The following LIPT1 variants were observed in gnomAD, a reference collection of about 807,000 sequenced individuals.
LIPT1 encodes the protein lipoyl amidotransferase LIPT1, mitochondrial.
In LIPT1, 22 loss-of-function variants were observed where a neutral mutation model predicts 25.1. The observed-to-expected ratio is 0.88, with a 90% CI of 0.63 to 1.25. The LOEUF (loss-of-function observed/expected upper bound fraction) is 1.25. Among genes scored for constraint, LIPT1 ranks in the 50% most tolerant of loss-of-function variants. The pLI, the probability that LIPT1 is intolerant of heterozygous loss-of-function variation, is 0.00. For synonymous variants in LIPT1, 131 were observed against 150.8 expected (o/e 0.87, Z 0.96); for missense variants, 399 against 432.8 (o/e 0.92, Z 0.69).
At chr2:99,158,388 G>C (rs2093766716) in intron 1 of LIPT1, among the ~76,000 whole-genome samples, 1 of 123,772 alleles carries the variant, frequency 8.1e-6, no homozygotes, top group Non-Finnish European at 1.6e-5. Flanking sequence ...GAGCCCAGGA[G>C]TTTGAGACCA....
rs1265623660 is a variant in LIPT1 at position 99,162,886 on chromosome 2, G to A, written c.929G>A (p.Cys310Tyr). 1.2e-6 allele frequency: 2 copies of A among 1,612,750 alleles called. No individual in the cohort carries two copies. Among genetic ancestry groups the A allele is most frequent in the African/African-American group, 1.3e-5 (1 of 74,832 alleles). ...ATAAAGAATGGAAGAATTGAAATTT[G>A]TAATATTGAAGCACCTGATCATTGG... ...IDIKNGRIEICNIEAPDHWLP... is the reference protein window; with the variant it reads ...IDIKNGRIEIYNIEAPDHWLP... The change falls in exon 2 of 2, where the codon TGT becomes TAT. Residue 310 changes from cysteine to tyrosine, a missense_variant. Coordinates refer to ENST00000651691, the MANE Select transcript of LIPT1 (RefSeq NM_145199.3).
At chr2:99,159,923 G>C (rs879743634) in intron 1 of LIPT1, among the ~76,000 whole-genome samples, 2 of 152,076 alleles carry the variant, frequency 1.3e-5, no homozygotes, top group African/African-American at 4.8e-5. Flanking sequence ...TATGCTCCTC[G>C]ACCTGGCAAA....
At chr2:99,156,981 A>G (rs1187502388) in intron 1 of LIPT1, among the ~76,000 whole-genome samples, 1 of 152,218 alleles carries the variant, frequency 6.6e-6, no homozygotes, top group Non-Finnish European at 1.5e-5. Context: ...AACAGTTAAC[A>G]TTTCATATTT....
At position 99,162,693 on chromosome 2, in the gene LIPT1, C is replaced by T. The variant is rs2093805866; in HGVS notation, c.736C>T (p.His246Tyr). 6.2e-7 allele frequency: 1 copy of T among 1,614,156 alleles called. No homozygotes were observed. Among genetic ancestry groups the T allele is most frequent in the Non-Finnish European group, 8.5e-7 (1 of 1,180,016 alleles). The change falls in exon 2 of 2, where the codon CAC becomes TAC. Residue 246 changes from histidine to tyrosine, a missense_variant. By Grantham distance (83) the His-to-Tyr change is moderately conservative. Transcript: ENST00000651691. ...TTATCATCAAATTGATAATCACATTCACCTAATAAACCCAACGGATGAGAC... is the reference window on the plus strand; with the variant it reads ...TTATCATCAAATTGATAATCACATTTACCTAATAAACCCAACGGATGAGAC... ...AAYHQIDNHI[H>Y]LINPTDETLF...
intron 1 of LIPT1, among the ~76,000 whole-genome samples, chr2:99,159,449 A>G (rs2093772422): frequency 6.6e-6 from 1 of 152,134 alleles, no homozygotes; most frequent in Admixed American, 6.5e-5. Flanking sequence ...TATCTCTAGC[A>G]TGGACAACTG....
In LIPT1 at chr2:99,162,440, A is replaced by G; in HGVS notation, c.483A>G (p.Lys161=). ...ACCTTTTACTTGATGGACAGTTTAAAATCTCAGGAACAGCTTCTAAGATCG... is the reference window on the plus strand; with the variant it reads ...ACCTTTTACTTGATGGACAGTTTAAGATCTCAGGAACAGCTTCTAAGATCG... ...RFDLLLDGQF[K]ISGTASKIGR... Residue 161 remains lysine (K), a synonymous_variant, in exon 2 of 2, where the codon AAA becomes AAG. Coordinates refer to ENST00000651691, the MANE Select transcript of LIPT1 (RefSeq NM_145199.3). The G allele has an allele frequency of 6.2e-7, 1 of 1,614,036 alleles. No individual in the cohort carries two copies. The highest frequency in any genetic ancestry group is 8.5e-7 in the Non-Finnish European group (1 of 1,180,036).
intron 1 of LIPT1, chr2:99,161,342 T>C (rs1439699239): frequency 1.1e-5 from 1 of 93,426 alleles, no homozygotes; most frequent in Non-Finnish European, 2.1e-5. Context: ...ATATATAGAT[T>C]GAATGTCGAA....
At position 99,161,305 on chromosome 2, in the gene LIPT1, T is replaced by A. The variant is rs1279989518; in HGVS notation, c.-1-652T>A. The stretch of plus-strand genomic sequence containing the variant: ...AAAAAAAAAAAAATATATATATATA[T>A]ATATATATATATATATATATATATA... On this transcript the variant is annotated intron_variant, in intron 1 of 1. Transcript: ENST00000651691. 3.1e-4 allele frequency: 11 copies of A among 35,630 alleles called. 1 individual carries two copies. The highest frequency in any genetic ancestry group is 1.2e-3 in the South Asian group (1 of 818). 2.2% of individuals were successfully genotyped at this position (35,630 alleles called of 1,614,324 possible).
In LIPT1 at chr2:99,162,814, A is replaced by G. The variant is rs1559172115; in HGVS notation, c.857A>G (p.His286Arg). The change falls in exon 2 of 2, where the codon CAT (histidine) becomes CGT (arginine). Residue 286 changes from histidine to arginine, a missense_variant. By Grantham distance (29) the His-to-Arg change is conservative. Transcript: ENST00000651691. ...TPKFSINTSFHVLYEQSHLEI... is the reference protein window; with the variant it reads ...TPKFSINTSFRVLYEQSHLEI... ...AAGTTTAGTATAAATACTTCCTTTC[A>G]TGTGTTATATGAACAGTCACACTTG... The G allele has an allele frequency of 1.2e-6, 2 of 1,614,150 alleles. No individual in the cohort carries two copies. The highest frequency in any genetic ancestry group is 8.5e-7 in the Non-Finnish European group (1 of 1,179,992).
In LIPT1 at chr2:99,155,203, C is replaced by T. The variant is rs200566025; in HGVS notation, c.-2+152C>T. On this transcript the variant is annotated intron_variant, in intron 1 of 1. Transcript: ENST00000651691. ...TTGAAGCCTCTTGTGTGCACACTTT[C>T]TCCTCAGCACTTGGGACGACCTAAT... 7 of 384,842 alleles carry T rather than the reference C, an allele frequency of 1.8e-5. No homozygotes were observed. In the East Asian group the frequency reaches 4.3e-4, roughly 24 times the overall value. The allele number at this position is 384,842 out of a possible 1,614,324, so 23.8% of individuals were successfully genotyped here. A position where few individuals can be genotyped will look rare whatever the true frequency, so the allele number is the denominator to read the frequency against.
chr2:99,163,044 A>G lies in LIPT1; in HGVS notation c.1087A>G (p.Asn363Asp). The change falls in exon 2 of 2, where the codon AAT becomes GAT. Residue 363 changes from asparagine (N) to aspartate (D), a missense_variant. Transcript: ENST00000651691. The stretch of plus-strand genomic sequence containing the variant: ...AGACCACAAACTAAACAGTAAATGG[A>G]ATATTCTCTGTGAAAAAATTAAGGG... ...PQDHKLNSKW[N>D]ILCEKIKGIM 6.4e-7 allele frequency: 1 copy of G among 1,571,602 alleles called. No homozygotes were observed. The highest frequency in any genetic ancestry group is 8.6e-7 in the Non-Finnish European group (1 of 1,161,252).
intron 1 of LIPT1, among the ~76,000 whole-genome samples, chr2:99,160,321 T>C (rs1430046125): frequency 1.3e-5 from 2 of 152,140 alleles, no homozygotes; most frequent in Admixed American, 1.3e-4. Flanking sequence ...GATGTGGAGA[T>C]TGCTTGAGCC....
At chr2:99,159,199 T>TA (rs1352491187) in intron 1 of LIPT1, among the ~76,000 whole-genome samples, 2 of 143,422 alleles carry the variant, frequency 1.4e-5, no homozygotes, top group African/African-American at 5.2e-5. Context: ...GAGCTGCTGG[T>TA]ACTACAGGCA....
At chr2:99,160,246 A>G (rs1301475585) in intron 1 of LIPT1, among the ~76,000 whole-genome samples, 1 of 152,168 alleles carries the variant, frequency 6.6e-6, no homozygotes, top group African/African-American at 2.4e-5. Context: ...CATCTCTACA[A>G]AAAATTTAAA....
rs764427280 is a variant in LIPT1 at position 99,162,612 on chromosome 2, G to T, written c.655G>T (p.Asp219Tyr). The T allele has an allele frequency of 1.2e-6, 2 of 1,613,970 alleles. No individual in the cohort carries two copies. Among genetic ancestry groups the T allele is most frequent in the Non-Finnish European group, 1.7e-6 (2 of 1,180,014 alleles). ...PSLVKNLLEK[D>Y]PTLTCEVLMN... Reference sequence around the variant, plus strand: ...CTTAGTGAAAAATCTTTTGGAAAAGGATCCCACTCTGACCTGTGAAGTACT... The same window carrying T: ...CTTAGTGAAAAATCTTTTGGAAAAGTATCCCACTCTGACCTGTGAAGTACT... Residue 219 changes from aspartate to tyrosine, a missense_variant, in exon 2 of 2, where the codon GAT becomes TAT. Coordinates refer to ENST00000651691, the MANE Select transcript of LIPT1 (RefSeq NM_145199.3).
rs767188388 is a variant in LIPT1, at chr2:99,162,578, C to T, written c.621C>T (p.Ser207=). Reference sequence around the variant, plus strand: ...GGATCAGGAGCAATGCCACTGCTAGCATACCTTCCTTAGTGAAAAATCTTT... The same window carrying T: ...GGATCAGGAGCAATGCCACTGCTAGTATACCTTCCTTAGTGAAAAATCTTT... ...YQGIRSNATA[S]IPSLVKNLLE... Residue 207 remains serine (S), a synonymous_variant, in exon 2 of 2, where the codon AGC becomes AGT. Transcript: ENST00000651691. 62 of 1,614,048 alleles carry T rather than the reference C, an allele frequency of 3.8e-5. No homozygotes were observed. The highest frequency in any genetic ancestry group is 5.3e-5 in the Non-Finnish European group (62 of 1,180,042).
intron 1 of LIPT1, 96 bp from the exon 2 acceptor site, chr2:99,161,861 A>G (rs2093795452): frequency 4.4e-6 from 5 of 1,143,894 alleles, no homozygotes; most frequent in Middle Eastern, 2.9e-4. Context: ...GGATACTTTA[A>G]GTTTGGATTA....
chr2:99,157,774 G>C (rs559050948), intron 1 of LIPT1, among the ~76,000 whole-genome samples: 1 of 151,866 alleles, frequency 6.6e-6, no homozygotes, highest in Non-Finnish European at 1.5e-5. Context: ...GTCTTATGTC[G>C]CAGGCCCTTA....
intron 1 of LIPT1, among the ~76,000 whole-genome samples, chr2:99,158,471 A>C (rs1230528039): frequency 6.7e-6 from 1 of 150,314 alleles, no homozygotes; most frequent in African/African-American, 2.4e-5. Context: ...GTGGTGGCAC[A>C]TGCTGGCTAA....
Sources: allele counts gnomAD v4.1 joint callset (sites outside exome capture counted in the v4.1 genomes callset), GRCh38; gene constraint gnomAD v4.1.1; transcripts MANE v1.5; gene names NCBI Gene and HGNC (gene_info 2026-07-23, HGNC 2026-07-21).